TMEM67: variants seen among roughly 807,000 people sequenced by gnomAD.
TMEM67 encodes the protein transmembrane protein 67.
TMEM67 carries 124 observed loss-of-function variants against 136.6 expected under a neutral mutation model. The ratio of observed to expected loss-of-function variants is 0.91; its 90% CI spans 0.78 to 1.05. TMEM67 has a LOEUF of 1.05. Ranked by LOEUF, TMEM67 falls within the 50% of genes least tolerant of loss-of-function variation. The probability of loss-of-function intolerance (pLI) is 0.00; values close to 1 mark genes in which losing one functional copy is unlikely to be tolerated. For synonymous variants in TMEM67, 364 were observed against 390.5 expected (o/e 0.93, Z 0.80); for missense variants, 1,107 against 1,178.4 (o/e 0.94, Z 0.89).
intron 10 of TMEM67, 60 bp downstream of exon 10, chr8:93,781,804 C>T: frequency 1.0e-6 from 1 of 990,918 alleles, no homozygotes; most frequent in Non-Finnish European, 1.6e-6. Flanking sequence ...GAGACAAAGC[C>T]AAGAGGAAAA....
chr8:93,783,042 T>A (rs1813917227), intron 11 of TMEM67, among the ~76,000 whole-genome samples: 1 of 152,184 alleles, frequency 6.6e-6, no homozygotes, highest in Non-Finnish European at 1.5e-5. Context: ...TGGAGTGCAG[T>A]GGTGCAATCT....
At chr8:93,783,252 C>T (rs915840559) in intron 11 of TMEM67, among the ~76,000 whole-genome samples, 4 of 152,222 alleles carry the variant, frequency 2.6e-5, no homozygotes, top group Non-Finnish European at 5.9e-5. Flanking sequence ...TCCCAAAGTG[C>T]TGGGATTACA....
At chr8:93,781,533 CAAAAT>C in intron 9 of TMEM67, 120 bp from the exon 10 acceptor site, 1 of 532,560 alleles carries the variant, frequency 1.9e-6, no homozygotes, top group Non-Finnish European at 3.3e-6. Context: ...AATTGAACCT[CAAAAT>C]AAAGATAATT....
rs1369458531 is a variant in TMEM67, at chr8:93,797,165, A to G, written c.1892A>G (p.Gln631Arg). The change falls in exon 19 of 28, where the codon CAG (glutamine) becomes CGG (arginine). Residue 631 changes from glutamine (Q) to arginine (R), a missense_variant. Coordinates refer to ENST00000453321, the MANE Select transcript of TMEM67 (RefSeq NM_153704.6). ...CAATTTTTGCATAAGCTCATATCCC[A>G]GATTACAATAGATGTATTCTTTATT... ...ALQFLHKLIS[Q>R]ITIDVFFIDW... 1 of 1,612,670 alleles carries G rather than the reference A, an allele frequency of 6.2e-7. No homozygotes were observed. The highest frequency in any genetic ancestry group is 1.7e-5 in the Admixed American group (1 of 60,030).
chr8:93,805,552 G>C (rs1815105688), intron 23 of TMEM67, among the ~76,000 whole-genome samples: 2 of 148,876 alleles, frequency 1.3e-5, no homozygotes, highest in Admixed American at 1.3e-4. Context: ...CCGCACTCCA[G>C]CTTGGGCGAC....
chr8:93,786,116 T>C (rs1294955664), intron 12 of TMEM67, 107 bp from the exon 13 acceptor site: 12 of 1,037,960 alleles, frequency 1.2e-5, no homozygotes, highest in Non-Finnish European at 1.6e-5. Flanking sequence ...GAGAACGCCA[T>C]TGTCAGGTGT....
chr8:93,797,471 G>A lies in TMEM67; in HGVS notation c.2100+1G>A. ...ACTTACTGTCCTCTTCTTTTTGGAG[G>A]TATAAACTGTTTGATGTGATTATAT... On this transcript the variant is annotated splice_donor_variant, in intron 20 of 27. Transcript: ENST00000453321. LOFTEE classifies it high-confidence loss of function. 1 of 1,613,036 alleles carries A rather than the reference G, an allele frequency of 6.2e-7. No homozygotes were observed. Among genetic ancestry groups the A allele is most frequent in the Non-Finnish European group, 8.5e-7 (1 of 1,179,446 alleles).
chr8:93,805,780 G>A (rs753619778), intron 23 of TMEM67, among the ~76,000 whole-genome samples: 2 of 152,188 alleles, frequency 1.3e-5, no homozygotes, highest in Non-Finnish European at 1.5e-5. Context: ...ATTTTGCAAT[G>A]ACTAATGGAT....
At position 93,795,998 on chromosome 8, in the gene TMEM67, A is replaced by G; in HGVS notation, c.1860+11A>G. 6.3e-7 allele frequency: 1 copy of G among 1,593,788 alleles called. No homozygotes were observed. The highest frequency in any genetic ancestry group is 8.6e-7 in the Non-Finnish European group (1 of 1,161,620). On this transcript the variant is annotated intron_variant, in intron 18 of 27. Coordinates refer to ENST00000453321, the MANE Select transcript of TMEM67 (RefSeq NM_153704.6). The stretch of plus-strand genomic sequence containing the variant: ...GCCTTTGCTCTGAAGGTAAGTTTTA[A>G]AGGACAGGTTACCAAATTTAAAAGG...
chr8:93,804,837 A>C lies in TMEM67; in HGVS notation c.2398A>C (p.Thr800Pro). 6.2e-7 allele frequency: 1 copy of C among 1,604,884 alleles called. No individual in the cohort carries two copies. Among genetic ancestry groups the C allele is most frequent in the Non-Finnish European group, 8.5e-7 (1 of 1,171,880 alleles). The change falls in exon 23 of 28, where the codon ACT (threonine) becomes CCT (proline). Residue 800 changes from threonine to proline, a missense_variant. By Grantham distance (38) the Thr-to-Pro change is conservative. Transcript: ENST00000453321. ...HGRSVHGHAD[T>P]NMEEMNMNLK... ...TAGATCAGTACATGGGCATGCAGAT[A>C]CTAATATGGAAGAAATGAATATGAA... is the stretch of plus-strand genomic sequence containing the variant.
intron 3 of TMEM67, among the ~76,000 whole-genome samples, chr8:93,763,520 G>A (rs1586345729): frequency 1.3e-5 from 2 of 152,234 alleles, no homozygotes; most frequent in South Asian, 4.1e-4. Context: ...GAAATGTATA[G>A]ATAAGAGGTA....
chr8:93,780,509 C>T, intron 7 of TMEM67, 84 bp from the exon 8 acceptor site: 2 of 1,542,912 alleles, frequency 1.3e-6, no homozygotes, highest in Non-Finnish European at 1.8e-6. Context: ...TGGAACAGAC[C>T]TGCACAAAGT....
chr8:93,819,428 T>A (rs139472677), downstream of TMEM67, among the ~76,000 whole-genome samples: 249 of 152,276 alleles, frequency 1.6e-3, 3 homozygotes, highest in Admixed American at 0.015. Flanking sequence ...TGGAGTATTG[T>A]CTCTGGGAGG....
At chr8:93,766,274 A>G (rs753705868) in intron 6 of TMEM67, among the ~76,000 whole-genome samples, 1 of 151,958 alleles carries the variant, frequency 6.6e-6, no homozygotes, top group Non-Finnish European at 1.5e-5. Context: ...ACCTGCCACT[A>G]CGCCCGGCTA....
At position 93,804,765 on chromosome 8, in the gene TMEM67, T is replaced by C. The variant is rs748937483; in HGVS notation, c.2326T>C (p.Ser776Pro). The C allele has an allele frequency of 2.0e-6, 3 of 1,536,142 alleles. No homozygotes were observed. Among genetic ancestry groups the C allele is most frequent in the Non-Finnish European group, 2.7e-6 (3 of 1,109,686 alleles). The change falls in exon 23 of 28, where the codon TCA becomes CCA. Residue 776 changes from serine to proline, a missense_variant. Physicochemically the swap from Ser to Pro is moderately conservative, Grantham distance 74. Coordinates refer to ENST00000453321, the MANE Select transcript of TMEM67 (RefSeq NM_153704.6). ...FVDLCSMSNI[S>P]VFLLSHKCFG... Reference sequence around the variant, plus strand: ...TCTTTTTATTCTCTTTTTATAGATATCAGTGTTTCTGTTATCCCACAAATG... The same window carrying C: ...TCTTTTTATTCTCTTTTTATAGATACCAGTGTTTCTGTTATCCCACAAATG...
chr8:93,755,867 G>T lies in TMEM67; in HGVS notation c.312+1G>T. The stretch of plus-strand genomic sequence containing the variant: ...TTGTAAAAAGTGCCCAGAAAACATG[G>T]TGCGCATAATTTATTTTAAAATAAC... On this transcript the variant is annotated splice_donor_variant, in intron 2 of 27. Transcript: ENST00000453321. LOFTEE classifies it high-confidence loss of function. 3.2e-6 allele frequency: 5 copies of T among 1,545,884 alleles called. No homozygotes were observed. Among genetic ancestry groups the T allele is most frequent in the Non-Finnish European group, 3.6e-6 (4 of 1,125,764 alleles).
rs1808647101 is a variant in TMEM67 at position 93,810,196 on chromosome 8, C to CT, written c.2764+311dup. On this transcript the variant is annotated intron_variant, in intron 26 of 27. Coordinates refer to ENST00000453321, the MANE Select transcript of TMEM67 (RefSeq NM_153704.6). ...GTGTTAGCCAGGATGGTCTTGATCTCTTGACCTCGTGATCCGCCCACCTCG... is the reference window on the plus strand; with the variant it reads ...GTGTTAGCCAGGATGGTCTTGATCTCTTTGACCTCGTGATCCGCCCACCTCG... Among the ~76,000 whole-genome samples, 3 of 150,330 alleles carry CT rather than the reference C, an allele frequency of 2.0e-5. No homozygotes were observed. In the South Asian group the frequency reaches 6.2e-4, roughly 31 times the overall value.
intron 6 of TMEM67, among the ~76,000 whole-genome samples, chr8:93,771,098 A>G (rs1328900214): frequency 2.0e-5 from 3 of 152,136 alleles, no homozygotes; most frequent in African/African-American, 4.8e-5. Flanking sequence ...TTAATACGTT[A>G]GTCTGAGACT....
At chr8:93,787,741 A>T (rs1814175326) in intron 13 of TMEM67, 103 bp from the exon 14 acceptor site, 1 of 917,370 alleles carries the variant, frequency 1.1e-6, no homozygotes, top group African/African-American at 1.6e-5. Flanking sequence ...TGGTTCTGAG[A>T]TCATCAGACA....
Sources: allele counts gnomAD v4.1 joint callset (sites outside exome capture counted in the v4.1 genomes callset), GRCh38; gene constraint gnomAD v4.1.1; transcripts MANE v1.5; gene names NCBI Gene and HGNC (gene_info 2026-07-23, HGNC 2026-07-21).